The following TAFA2 variants were observed in gnomAD, a reference collection of about 807,000 sequenced individuals.
TAFA2 encodes chemokine-like protein TAFA-2.
Under a neutral mutation model 18.8 loss-of-function variants are expected in TAFA2, and 7 were observed. The ratio of observed to expected loss-of-function variants is 0.37; its 90% CI spans 0.21 to 0.70. The LOEUF (loss-of-function observed/expected upper bound fraction) is 0.70. Ranked by LOEUF, TAFA2 falls within the 30% of genes least tolerant of loss-of-function variation. The pLI is 0.53. For missense variants in TAFA2, 122 were observed against 158.1 expected, an observed-to-expected ratio of 0.77 and a Z score of 1.23; for synonymous variants, 60 against 54.2, an observed-to-expected ratio of 1.11 and a Z score of -0.47.
chr12:61,940,203 T>A (rs1592501344), intron 1 of TAFA2, among the ~76,000 whole-genome samples: 1 of 152,216 alleles, frequency 6.6e-6, no homozygotes, highest in Non-Finnish European at 1.5e-5. Context: ...CATAGACATG[T>A]AATGTGTGCA....
intron 1 of TAFA2, among the ~76,000 whole-genome samples, chr12:61,930,336 T>TA (rs1378077975): frequency 3.3e-5 from 5 of 152,098 alleles, no homozygotes; most frequent in Non-Finnish European, 7.4e-5. Context: ...TAAGTTGAGA[T>TA]AAAAAATTAT....
At chr12:61,760,871 C>CAA (rs375369002) in intron 2 of TAFA2, among the ~76,000 whole-genome samples, 45 of 120,990 alleles carry the variant, frequency 3.7e-4, no homozygotes, top group East Asian at 7.4e-4. Flanking sequence ...CCCAAGTCAC[C>CAA]AAAAAAAAAA....
At chr12:61,714,758 C>G (rs985925132) in intron 4 of TAFA2, among the ~76,000 whole-genome samples, 3 of 152,188 alleles carry the variant, frequency 2.0e-5, no homozygotes, top group African/African-American at 4.8e-5. Context: ...ATAATCTATT[C>G]TGTCCTTTTA....
chr12:62,072,655 A>G (rs1359479704), intron 1 of TAFA2, among the ~76,000 whole-genome samples: 2 of 151,936 alleles, frequency 1.3e-5, no homozygotes, highest in Non-Finnish European at 2.9e-5. Flanking sequence ...GGTGATGTGC[A>G]CCTGTAGTCC....
chr12:61,928,142 A>G (rs1415534500), intron 1 of TAFA2, among the ~76,000 whole-genome samples: 1 of 152,238 alleles, frequency 6.6e-6, no homozygotes, highest in Non-Finnish European at 1.5e-5. Context: ...AATGGCAACG[A>G]AGCCAAAATT....
intron 1 of TAFA2, among the ~76,000 whole-genome samples, chr12:61,974,550 T>C (rs1879362937): frequency 6.6e-6 from 1 of 151,842 alleles, no homozygotes. Flanking sequence ...TTAAGTATCA[T>C]TTAAAACAGA....
At chr12:62,190,207 T>C (rs2062613763) in intron 1 of TAFA2, among the ~76,000 whole-genome samples, 1 of 152,126 alleles carries the variant, frequency 6.6e-6, no homozygotes, top group South Asian at 2.1e-4. Context: ...GAATACTCAA[T>C]AGGGAAGCCT....
At chr12:62,249,305 G>A (rs1177217545) in intron 1 of TAFA2, among the ~76,000 whole-genome samples, 1 of 146,676 alleles carries the variant, frequency 6.8e-6, no homozygotes, top group Admixed American at 6.9e-5. Flanking sequence ...AAGACCACTT[G>A]TAACTGCTGT....
chr12:61,982,268 A>G (rs1277873646), intron 1 of TAFA2, among the ~76,000 whole-genome samples: 1 of 152,132 alleles, frequency 6.6e-6, no homozygotes, highest in Non-Finnish European at 1.5e-5. Flanking sequence ...GGCAGGGAAC[A>G]TCACACACCA....
At chr12:62,092,398 T>A (rs1007846348) in intron 1 of TAFA2, among the ~76,000 whole-genome samples, 3 of 152,012 alleles carry the variant, frequency 2.0e-5, no homozygotes, top group Non-Finnish European at 4.4e-5. Context: ...TAGCCTTTCA[T>A]TCTCTCTAAT....
chr12:62,028,125 G>GT (rs1455709484), intron 1 of TAFA2, among the ~76,000 whole-genome samples: 1 of 152,098 alleles, frequency 6.6e-6, no homozygotes, highest in Non-Finnish European at 1.5e-5. Context: ...TGTTTTTGTT[G>GT]TAAGAGAAAA....
At chr12:61,864,333 A>G (rs1874253150) in intron 2 of TAFA2, among the ~76,000 whole-genome samples, 1 of 150,306 alleles carries the variant, frequency 6.7e-6, no homozygotes, top group Non-Finnish European at 1.5e-5. Flanking sequence ...ATAGAAATAT[A>G]TAGAAATATA....
chr12:62,050,784 G>A (rs1882032052), intron 1 of TAFA2, among the ~76,000 whole-genome samples: 1 of 152,104 alleles, frequency 6.6e-6, no homozygotes, highest in Admixed American at 6.6e-5. Flanking sequence ...CCAGCTCTGT[G>A]TACAGTGATG....
intron 2 of TAFA2, among the ~76,000 whole-genome samples, chr12:61,768,674 G>T (rs566778337): frequency 1.3e-5 from 2 of 152,180 alleles, no homozygotes; most frequent in East Asian, 3.9e-4. Context: ...AGTGCTGTGG[G>T]CACTCTCGGT....
chr12:61,834,213 C>T (rs1041207112), intron 2 of TAFA2, among the ~76,000 whole-genome samples: 2 of 152,008 alleles, frequency 1.3e-5, no homozygotes, highest in Non-Finnish European at 1.5e-5. Flanking sequence ...CAATCTCCAC[C>T]GTTTTGCTCT....
At chr12:62,234,492 G>C in intron 1 of TAFA2, 5 of 1,089,238 alleles carry the variant, frequency 4.6e-6, no homozygotes, top group Non-Finnish European at 7.0e-6. Flanking sequence ...CAGACCTCAT[G>C]AACTCTTGGC....
intron 1 of TAFA2, among the ~76,000 whole-genome samples, chr12:62,228,057 A>G (rs1037058281): frequency 6.6e-6 from 1 of 152,158 alleles, no homozygotes; most frequent in Non-Finnish European, 1.5e-5. Context: ...ACACATGTAT[A>G]TATACACGTG....
At chr12:62,123,341 T>G (rs1870295931) in intron 1 of TAFA2, among the ~76,000 whole-genome samples, 1 of 151,932 alleles carries the variant, frequency 6.6e-6, no homozygotes, top group Non-Finnish European at 1.5e-5. Context: ...AGTTGCTATC[T>G]CAGATGTAGG....
At chr12:61,994,220 G>A (rs1880106984) in intron 1 of TAFA2, among the ~76,000 whole-genome samples, 1 of 152,050 alleles carries the variant, frequency 6.6e-6, no homozygotes, top group African/African-American at 2.4e-5. Context: ...GAAAAGGGAA[G>A]CCACCAAAGT....
Sources: allele counts gnomAD v4.1 joint callset (sites outside exome capture counted in the v4.1 genomes callset), GRCh38; gene constraint gnomAD v4.1.1; transcripts MANE v1.5; gene names NCBI Gene and HGNC (gene_info 2026-07-23, HGNC 2026-07-21).